The following KATNA1 variants were observed in gnomAD, a reference collection of about 807,000 sequenced individuals.
The protein encoded by KATNA1 is katanin catalytic subunit A1.
In KATNA1, 42 loss-of-function variants were observed where a neutral mutation model predicts 62.6. That is an observed-to-expected ratio of 0.67 (90% CI 0.52 to 0.87). KATNA1 has a LOEUF of 0.87. KATNA1 is among the 40% of genes least tolerant of loss of function. KATNA1 has a pLI of 0.00. For synonymous variants in KATNA1, 186 were observed against 201.9 expected, an observed-to-expected ratio of 0.92 and a Z score of 0.67; for missense variants, 498 against 612.5, an observed-to-expected ratio of 0.81 and a Z score of 1.97.
At chr6:149,604,387 G>A (rs968143804) in intron 5 of KATNA1, among the ~76,000 whole-genome samples, 9 of 152,148 alleles carry the variant, frequency 5.9e-5, no homozygotes, top group African/African-American at 1.9e-4. Flanking sequence ...GATCACTTGA[G>A]TCTAGGAGTT....
At chr6:149,647,934 A>G (rs1307602875) in intron 1 of KATNA1, among the ~76,000 whole-genome samples, 2 of 152,208 alleles carry the variant, frequency 1.3e-5, no homozygotes, top group Non-Finnish European at 2.9e-5. Context: ...CATTTGTATG[A>G]AACAACTGTT....
At chr6:149,625,933 C>T (rs984993299) in intron 3 of KATNA1, among the ~76,000 whole-genome samples, 194 of 137,568 alleles carry the variant, frequency 1.4e-3, no homozygotes, top group Non-Finnish European at 2.2e-3. Context: ...GACTCCATCT[C>T]AAAAAAAAAA....
intron 1 of KATNA1, among the ~76,000 whole-genome samples, chr6:149,642,559 T>C (rs996046087): frequency 6.6e-6 from 1 of 152,174 alleles, no homozygotes; most frequent in Admixed American, 6.5e-5. Context: ...AGGGGAAATA[T>C]GGTGGATACA....
chr6:149,645,594 A>C (rs544732742), intron 1 of KATNA1, among the ~76,000 whole-genome samples: 2 of 152,330 alleles, frequency 1.3e-5, no homozygotes, highest in South Asian at 4.1e-4. Context: ...TCTTGGTTAC[A>C]CAGATTATTA....
intron 3 of KATNA1, among the ~76,000 whole-genome samples, chr6:149,632,314 G>A: frequency 6.6e-6 from 1 of 151,044 alleles, no homozygotes; most frequent in Non-Finnish European, 1.5e-5. Context: ...GGCAGAGATT[G>A]CAGCGAGCCG....
chr6:149,623,206 G>C lies in KATNA1; in HGVS notation c.398C>G (p.Thr133Ser). ...TGCAGATGAACGGTGAACTCTGACA[G>C]TTGTACTTGGACGATTACCATGTGA... ...PKSHGNRPST[T>S]VRVHRSSAQN... The change falls in exon 4 of 11, where the codon ACT becomes AGT. Residue 133 changes from threonine (T) to serine (S), a missense_variant. This residue lies in a region of KATNA1 where 203 missense variants were observed against 198.4 expected (regional missense o/e 1.02). Coordinates refer to ENST00000367411, the MANE Select transcript of KATNA1 (RefSeq NM_007044.4). 2 of 1,613,714 alleles carry C rather than the reference G, an allele frequency of 1.2e-6. No homozygotes were observed. The highest frequency in any genetic ancestry group is 2.2e-5 in the South Asian group (2 of 91,016).
chr6:149,643,414 A>C (rs1780362671), intron 1 of KATNA1, among the ~76,000 whole-genome samples: 1 of 152,212 alleles, frequency 6.6e-6, no homozygotes, highest in African/African-American at 2.4e-5. Context: ...TTTTGGGATA[A>C]TCTGTTATGA....
At chr6:149,627,943 C>T (rs73779512) in intron 3 of KATNA1, among the ~76,000 whole-genome samples, 1 of 151,806 alleles carries the variant, frequency 6.6e-6, no homozygotes, top group South Asian at 2.1e-4. Context: ...GGAACCAGGT[C>T]TCATAGGGCT....
intron 4 of KATNA1, among the ~76,000 whole-genome samples, chr6:149,619,984 T>C (rs1283856942): frequency 6.6e-6 from 1 of 152,090 alleles, no homozygotes; most frequent in African/African-American, 2.4e-5. Context: ...TACATACATA[T>C]ATATGGTGAA....
intron 4 of KATNA1, among the ~76,000 whole-genome samples, chr6:149,608,753 C>T (rs1430960664): frequency 1.3e-5 from 2 of 152,354 alleles, no homozygotes; most frequent in Non-Finnish European, 2.9e-5. Flanking sequence ...TAGACTTCCA[C>T]TCCCCAACCA....
intron 4 of KATNA1, among the ~76,000 whole-genome samples, chr6:149,619,465 T>C (rs1038388138): frequency 1.6e-4 from 24 of 151,868 alleles, no homozygotes; most frequent in Admixed American, 1.2e-3. Context: ...TACAAAAAAT[T>C]AGCTAGGCGT....
At chr6:149,618,769 T>C (rs1779279180) in intron 4 of KATNA1, among the ~76,000 whole-genome samples, 1 of 152,292 alleles carries the variant, frequency 6.6e-6, no homozygotes. Flanking sequence ...GAAAACTAGA[T>C]ATCCATTTGC....
intron 2 of KATNA1, among the ~76,000 whole-genome samples, chr6:149,635,415 A>G (rs1780030091): frequency 6.6e-6 from 1 of 152,258 alleles, no homozygotes; most frequent in Non-Finnish European, 1.5e-5. Context: ...TATACTTAAA[A>G]ATGGCCAAGG....
chr6:149,597,427 G>A (rs972966952), intron 9 of KATNA1, 80 bp downstream of exon 9: 1 of 1,537,250 alleles, frequency 6.5e-7, no homozygotes, highest in South Asian at 1.2e-5. Context: ...CAGAAAGTTA[G>A]TTAATAACAA....
At chr6:149,606,889 G>A (rs899019985) in intron 4 of KATNA1, among the ~76,000 whole-genome samples, 4 of 152,026 alleles carry the variant, frequency 2.6e-5, no homozygotes, top group African/African-American at 9.7e-5. Flanking sequence ...CAAAGTGCTG[G>A]GATTACAGGG....
At chr6:149,595,356 A>G (rs1274959155) in intron 10 of KATNA1, 122 bp from the exon 11 acceptor site, 3 of 653,746 alleles carry the variant, frequency 4.6e-6, no homozygotes, top group Non-Finnish European at 5.1e-6. Flanking sequence ...TTACATATAT[A>G]TGTAGTATTG....
intron 1 of KATNA1, among the ~76,000 whole-genome samples, chr6:149,644,134 A>G (rs1780392181): frequency 6.6e-6 from 1 of 152,050 alleles, no homozygotes; most frequent in Non-Finnish European, 1.5e-5. Context: ...GAAGCCATCC[A>G]TGCCCTACAG....
In KATNA1 at chr6:149,597,077, A is replaced by T. The variant is rs2115073215; in HGVS notation, c.1263T>A (p.Ile421=). The change falls in exon 10 of 11, where the codon ATT becomes ATA. Residue 421 remains isoleucine (I), a synonymous_variant. Coordinates refer to ENST00000367411, the MANE Select transcript of KATNA1 (RefSeq NM_007044.4). Reference sequence around the variant, plus strand: ...ATAATTCATACCTGCACACGTTGGTAATGTCCGCACCTGAATAACCTTCCA... The same window carrying T: ...ATAATTCATACCTGCACACGTTGGTTATGTCCGCACCTGAATAACCTTCCA... The part of the protein sequence containing the change: ...ENMEGYSGAD[I]TNVCRDASLM... 2 of 1,614,114 alleles carry T rather than the reference A, an allele frequency of 1.2e-6. No individual in the cohort carries two copies. The highest frequency in any genetic ancestry group is 2.2e-5 in the East Asian group (1 of 44,878).
At chr6:149,627,932 G>A (rs1294884832) in intron 3 of KATNA1, among the ~76,000 whole-genome samples, 3 of 151,876 alleles carry the variant, frequency 2.0e-5, no homozygotes, top group Non-Finnish European at 4.4e-5. Flanking sequence ...AGAGGCTGTG[G>A]GGAACCAGGT....
Sources: allele counts gnomAD v4.1 joint callset (sites outside exome capture counted in the v4.1 genomes callset), GRCh38; gene constraint gnomAD v4.1.1; regional missense constraint gnomAD v4.1.1; transcripts MANE v1.5; gene names NCBI Gene and HGNC (gene_info 2026-07-23, HGNC 2026-07-21).